Variants in SOX6 observed in about 807,000 individuals in gnomAD.
The protein encoded by SOX6 is SRY-box transcription factor 6.
A neutral mutation model predicts 97.8 loss-of-function variants in SOX6; 11 were observed. The observed-to-expected ratio is 0.11, with a 90% CI of 0.07 to 0.19. The LOEUF (loss-of-function observed/expected upper bound fraction) is 0.19. Ranked by LOEUF, SOX6 falls within the 10% of genes least tolerant of loss-of-function variation. SOX6 has a pLI of 1.00. For synonymous variants in SOX6, 360 were observed against 371.4 expected (o/e 0.97, Z 0.35); for missense variants, 810 against 1,039.5 (o/e 0.78, Z 3.04).
intron 3 of SOX6, among the ~76,000 whole-genome samples, chr11:16,706,663 C>G (rs1324794849): frequency 1.3e-5 from 2 of 149,952 alleles, no homozygotes; most frequent in African/African-American, 4.9e-5. Context: ...GGAGGGAGTT[C>G]ACTCCAGAGT....
chr11:16,009,963 T>C (rs1854661448), intron 13 of SOX6, among the ~76,000 whole-genome samples: 1 of 151,852 alleles, frequency 6.6e-6, no homozygotes, highest in Non-Finnish European at 1.5e-5. Flanking sequence ...AGTATATGGA[T>C]CAAAGAATGA....
chr11:16,704,028 A>T (rs1367994730), intron 3 of SOX6, among the ~76,000 whole-genome samples: 1 of 152,220 alleles, frequency 6.6e-6, no homozygotes, highest in Non-Finnish European at 1.5e-5. Flanking sequence ...AATTAGTTAC[A>T]TAAAGAACAA....
At chr11:16,495,099 C>G (rs981532220) in intron 4 of SOX6, among the ~76,000 whole-genome samples, 3 of 152,116 alleles carry the variant, frequency 2.0e-5, no homozygotes, top group Non-Finnish European at 4.4e-5. Flanking sequence ...ACTGCCAAAG[C>G]TGAAACATGA....
chr11:16,072,828 A>G (rs1346377569), intron 9 of SOX6, among the ~76,000 whole-genome samples: 2 of 152,238 alleles, frequency 1.3e-5, no homozygotes, highest in African/African-American at 4.8e-5. Flanking sequence ...CATGAATTTC[A>G]TATTCAGACA....
intron 4 of SOX6, among the ~76,000 whole-genome samples, chr11:16,494,672 A>G (rs571129067): frequency 6.6e-6 from 1 of 152,274 alleles, no homozygotes; most frequent in Non-Finnish European, 1.5e-5. Context: ...GTAATAGGAA[A>G]TACCTAAGGC....
intron 1 of SOX6, among the ~76,000 whole-genome samples, chr11:16,440,743 T>C (rs1590204662): frequency 6.6e-6 from 1 of 152,094 alleles, no homozygotes; most frequent in Non-Finnish European, 1.5e-5. Flanking sequence ...TGTCTTCACT[T>C]TGGGCAATTT....
chr11:16,310,313 CA>C (rs1009205115), intron 3 of SOX6, among the ~76,000 whole-genome samples: 13 of 149,166 alleles, frequency 8.7e-5, no homozygotes, highest in Middle Eastern at 3.4e-3. Context: ...AGACCAGTTT[CA>C]AAAAAAAATA....
At chr11:16,225,068 T>C (rs1025033862) in intron 4 of SOX6, among the ~76,000 whole-genome samples, 1 of 152,006 alleles carries the variant, frequency 6.6e-6, no homozygotes, top group Non-Finnish European at 1.5e-5. Flanking sequence ...AGGAAAAACA[T>C]CTGTTGTGAC....
chr11:16,604,361 G>C (rs1465707284), intron 4 of SOX6, among the ~76,000 whole-genome samples: 1 of 152,198 alleles, frequency 6.6e-6, no homozygotes, highest in Non-Finnish European at 1.5e-5. Context: ...GGCTGTGTCT[G>C]TTCTCCTCGG....
chr11:16,113,416 T>C (rs1233932706), intron 6 of SOX6, among the ~76,000 whole-genome samples: 7 of 152,196 alleles, frequency 4.6e-5, no homozygotes, highest in Non-Finnish European at 1.0e-4. Context: ...GTTTCGTACA[T>C]TAGAGTACAA....
intron 15 of SOX6, among the ~76,000 whole-genome samples, chr11:15,980,896 T>C (rs1853634808): frequency 6.6e-6 from 1 of 152,068 alleles, no homozygotes; most frequent in African/African-American, 2.4e-5. Flanking sequence ...TATAAGACAC[T>C]ATTATATGCT....
intron 7 of SOX6, among the ~76,000 whole-genome samples, chr11:16,100,222 C>T (rs1228831039): frequency 6.6e-6 from 1 of 151,694 alleles, no homozygotes; most frequent in Non-Finnish European, 1.5e-5. Context: ...CATGTTGTAG[C>T]AATTTTTTTC....
At chr11:16,166,199 A>G (rs190875683) in intron 6 of SOX6, among the ~76,000 whole-genome samples, 1 of 152,110 alleles carries the variant, frequency 6.6e-6, no homozygotes, top group African/African-American at 2.4e-5. Flanking sequence ...TGTTTATTTC[A>G]CCCACATTAC....
At chr11:16,092,072 C>A (rs1375280097) in intron 9 of SOX6, among the ~76,000 whole-genome samples, 2 of 151,964 alleles carry the variant, frequency 1.3e-5, no homozygotes, top group Admixed American at 6.6e-5. Flanking sequence ...GGAATAACTG[C>A]TGACAGTCGC....
At chr11:16,715,860 T>C (rs960636206) in intron 2 of SOX6, among the ~76,000 whole-genome samples, 3 of 152,184 alleles carry the variant, frequency 2.0e-5, no homozygotes, top group Admixed American at 2.0e-4. Flanking sequence ...AATCAACTGC[T>C]TTTCCCTGTA....
intron 1 of SOX6, among the ~76,000 whole-genome samples, chr11:16,467,812 C>CA (rs893779213): frequency 2.6e-5 from 4 of 151,924 alleles, no homozygotes; most frequent in African/African-American, 7.2e-5. Context: ...AACAAACAAA[C>CA]AAAAAGACAT....
chr11:16,128,519 C>A (rs111506224), intron 6 of SOX6, among the ~76,000 whole-genome samples: 4,334 of 152,206 alleles, frequency 0.028, 80 homozygotes, highest in Middle Eastern at 0.089. Flanking sequence ...GCCAAGGTCA[C>A]AAAACTTAAG....
chr11:16,537,021 T>C (rs1297555386), intron 4 of SOX6, among the ~76,000 whole-genome samples: 1 of 152,142 alleles, frequency 6.6e-6, no homozygotes, highest in Non-Finnish European at 1.5e-5. Context: ...CTGACCCCCA[T>C]GTAGCCTGAT....
At chr11:16,528,369 T>G (rs1861197028) in intron 4 of SOX6, among the ~76,000 whole-genome samples, 1 of 152,140 alleles carries the variant, frequency 6.6e-6, no homozygotes, top group Non-Finnish European at 1.5e-5. Context: ...ATTCTCATCT[T>G]TTAGAAAATT....
Sources: allele counts gnomAD v4.1 joint callset (sites outside exome capture counted in the v4.1 genomes callset), GRCh38; gene constraint gnomAD v4.1.1; transcripts MANE v1.5; gene names NCBI Gene and HGNC (gene_info 2026-07-23, HGNC 2026-07-21).